The following PRKDC variants were observed in gnomAD, a reference collection of about 807,000 sequenced individuals.
PRKDC encodes the protein protein kinase, DNA-activated, catalytic subunit, also known as DNA-dependent protein kinase catalytic subunit.
A neutral mutation model predicts 486.9 loss-of-function variants in PRKDC; 82 were observed. The observed-to-expected ratio is 0.17, with a 90% CI of 0.14 to 0.20. The LOEUF (loss-of-function observed/expected upper bound fraction) is 0.20. Ranked by LOEUF, PRKDC falls within the 10% of genes least tolerant of loss-of-function variation. PRKDC has a pLI of 1.00. For missense variants in PRKDC, 4,504 were observed against 5,038.2 expected (o/e 0.89, Z 3.21); for synonymous variants, 1,895 against 1,837.0 (o/e 1.03, Z -0.81).
intron 16 of PRKDC, among the ~76,000 whole-genome samples, chr8:47,931,113 T>C (rs1468142293): frequency 2.0e-5 from 3 of 151,962 alleles, no homozygotes; most frequent in Admixed American, 1.3e-4. Context: ...AGATTTCAAG[T>C]GAAGAAAAAG....
rs148855050 is a variant in PRKDC at position 47,830,728 on chromosome 8, C to G, written c.8274G>C (p.Lys2758Asn). ...VAEQKREKEIKSELKMKQDAQ... is the reference protein window; with the variant it reads ...VAEQKREKEINSELKMKQDAQ... ...CATCCTGCTTCATTTTTAACTCACT[C>G]TTGATTTCCTATAAGCACCAGAACC... The change falls in exon 61 of 86, where the codon AAG (lysine) becomes AAC (asparagine). Residue 2758 changes from lysine (K) to asparagine (N), a missense_variant. Around this residue, in one of 6 missense-constraint regions of PRKDC, gnomAD observed 1,592 missense variants for 1,724.6 expected, o/e 0.92. Transcript: ENST00000314191. 56 of 1,613,910 alleles carry G rather than the reference C, an allele frequency of 3.5e-5. No homozygotes were observed. The highest frequency in any genetic ancestry group is 4.3e-5 in the Non-Finnish European group (51 of 1,179,894).
Position 47,888,665 on chromosome 8 carries a change from A to G in PRKDC, c.4281-15T>C, listed in dbSNP as rs2089389183. The G allele has an allele frequency of 2.6e-6, 4 of 1,562,774 alleles. No homozygotes were observed. Among genetic ancestry groups the G allele is most frequent in the Non-Finnish European group, 3.5e-6 (4 of 1,154,780 alleles). On this transcript the variant is annotated splice_polypyrimidine_tract_variant and intron_variant, in intron 33 of 85. Transcript: ENST00000314191. ...GCTCCTCAATGCTGGCCATGTGACA[A>G]AACAGTAAATTAGGTGAGCTCTGAT...
intron 38 of PRKDC, among the ~76,000 whole-genome samples, chr8:47,880,298 A>G (rs1178004381): frequency 2.0e-5 from 3 of 152,192 alleles, no homozygotes; most frequent in African/African-American, 7.2e-5. Context: ...CTTTGTGTAG[A>G]AAGAACATTT....
intron 69 of PRKDC, among the ~76,000 whole-genome samples, chr8:47,805,849 C>T (rs2087204915): frequency 6.6e-6 from 1 of 152,176 alleles, no homozygotes; most frequent in African/African-American, 2.4e-5. Flanking sequence ...GATCTCCTTA[C>T]AGAGCACCTC....
chr8:47,954,092 G>A (rs1339631514), intron 5 of PRKDC, among the ~76,000 whole-genome samples, 173 bp from the exon 6 acceptor site: 6 of 152,136 alleles, frequency 3.9e-5, no homozygotes, highest in Admixed American at 6.5e-5. Context: ...TTATGCAAAT[G>A]TATTAATCAT....
In PRKDC at chr8:47,954,347, G is replaced by C. The variant is rs1295169563; in HGVS notation, c.499C>G (p.Pro167Ala). The C allele has an allele frequency of 1.6e-6, 2 of 1,242,396 alleles. No individual in the cohort carries two copies. The highest frequency in any genetic ancestry group is 5.4e-5 in the East Asian group (2 of 37,046). 77.0% of individuals were successfully genotyped at this position (1,242,396 alleles called of 1,614,324 possible). Residue 167 changes from proline (P) to alanine (A), a missense_variant, in exon 5 of 86, where the codon CCA (proline) becomes GCA (alanine). By Grantham distance (27) the Pro-to-Ala change is conservative. Transcript: ENST00000314191. ...YGELALKKKI[P>A]DTVLEKVYEL... ...TGTAAATGCATCTCACCTGTATCTG[G>C]TATTTTTTTTTTCAATGCAAGTTCT...
At chr8:47,892,620 T>A (rs1317803696) in intron 31 of PRKDC, among the ~76,000 whole-genome samples, 1 of 152,172 alleles carries the variant, frequency 6.6e-6, no homozygotes, top group Non-Finnish European at 1.5e-5. Flanking sequence ...AGAGAGCCTC[T>A]GCACCCAGCC....
chr8:47,876,307 T>A (rs1373987911), intron 40 of PRKDC, among the ~76,000 whole-genome samples: 1 of 152,184 alleles, frequency 6.6e-6, no homozygotes, highest in Non-Finnish European at 1.5e-5. Context: ...ATGCCAATTT[T>A]AAAAATTCAT....
In PRKDC at chr8:47,821,642, G is replaced by T; in HGVS notation, c.9073C>A (p.Pro3025Thr). The change falls in exon 65 of 86, where the codon CCA becomes ACA. Residue 3025 changes from proline to threonine, a missense_variant. Transcript: ENST00000314191. ...STASIDSENP[P>T]DLNKIWSEPF... Reference sequence around the variant, plus strand: ...TCACTCCAGATTTTATTTAGGTCTGGGGGGTTCTCACTGTCTATACTGGCT... The same window carrying T: ...TCACTCCAGATTTTATTTAGGTCTGTGGGGTTCTCACTGTCTATACTGGCT... 2.5e-6 allele frequency: 4 copies of T among 1,602,542 alleles called. No homozygotes were observed. The highest frequency in any genetic ancestry group is 2.2e-5 in the East Asian group (1 of 44,654).
At chr8:47,843,269 A>G (rs983342301) in intron 54 of PRKDC, among the ~76,000 whole-genome samples, 3 of 152,214 alleles carry the variant, frequency 2.0e-5, no homozygotes, top group Non-Finnish European at 4.4e-5. Context: ...AACATTAACA[A>G]AAGAATAGAC....
intron 69 of PRKDC, among the ~76,000 whole-genome samples, chr8:47,806,400 C>T (rs2087216240): frequency 6.6e-6 from 1 of 152,146 alleles, no homozygotes; most frequent in Non-Finnish European, 1.5e-5. Flanking sequence ...CTCTGCCTGC[C>T]TCTAATTGGA....
intron 25 of PRKDC, among the ~76,000 whole-genome samples, chr8:47,909,460 C>A (rs2089856319): frequency 6.6e-6 from 1 of 152,086 alleles, no homozygotes; most frequent in Non-Finnish European, 1.5e-5. Context: ...AGGACCACTA[C>A]CGTACAAATT....
At chr8:47,841,432 A>G (rs1225584337) in intron 54 of PRKDC, among the ~76,000 whole-genome samples, 1 of 152,046 alleles carries the variant, frequency 6.6e-6, no homozygotes, top group Non-Finnish European at 1.5e-5. Context: ...GGCACTCCCA[A>G]CCCCAGCTGC....
At chr8:47,853,779 C>T (rs2088470706) in intron 51 of PRKDC, among the ~76,000 whole-genome samples, 1 of 152,170 alleles carries the variant, frequency 6.6e-6, no homozygotes, top group African/African-American at 2.4e-5. Context: ...TTCTCATTTG[C>T]CCCAAACATT....
At chr8:47,842,450 T>A (rs949997943) in intron 54 of PRKDC, among the ~76,000 whole-genome samples, 3 of 151,912 alleles carry the variant, frequency 2.0e-5, no homozygotes, top group African/African-American at 7.3e-5. Context: ...ACAGGAGAGA[T>A]CCTATACAGA....
intron 30 of PRKDC, among the ~76,000 whole-genome samples, chr8:47,894,070 C>G (rs2089523546): frequency 1.3e-5 from 2 of 152,116 alleles, no homozygotes; most frequent in Non-Finnish European, 2.9e-5. Context: ...CACTTGAGGT[C>G]AAGAGTTCAT....
chr8:47,823,813 A>G (rs1399292250), intron 64 of PRKDC, 45 bp downstream of exon 64: 1 of 1,605,310 alleles, frequency 6.2e-7, no homozygotes, highest in Non-Finnish European at 8.5e-7. Context: ...GCAGAAAACA[A>G]AAGTGTTGAA....
intron 40 of PRKDC, among the ~76,000 whole-genome samples, chr8:47,868,348 T>C (rs1178722463): frequency 1.3e-5 from 2 of 151,476 alleles, no homozygotes; most frequent in Non-Finnish European, 2.9e-5. Flanking sequence ...TCTGAGCTTA[T>C]GAGTTCAAGA....
At chr8:47,819,600 A>C (rs971419810) in intron 66 of PRKDC, 90 bp from the exon 67 acceptor site, 16 of 566,502 alleles carry the variant, frequency 2.8e-5, no homozygotes, top group Non-Finnish European at 4.4e-5. Context: ...ACAGTACTCT[A>C]AATTATGAAA....
Sources: allele counts gnomAD v4.1 joint callset (sites outside exome capture counted in the v4.1 genomes callset), GRCh38; gene constraint gnomAD v4.1.1; regional missense constraint gnomAD v4.1.1; transcripts MANE v1.5; gene names NCBI Gene and HGNC (gene_info 2026-07-23, HGNC 2026-07-21).